SLC8A1: variants seen among roughly 807,000 people sequenced by gnomAD.
SLC8A1 encodes the protein sodium/calcium exchanger 1.
Under a neutral mutation model 68.3 loss-of-function variants are expected in SLC8A1, and 18 were observed. The ratio of observed to expected loss-of-function variants is 0.26; its 90% CI spans 0.18 to 0.39. SLC8A1 has a LOEUF of 0.39. Among genes scored for constraint, SLC8A1 ranks in the 10% least tolerant of loss-of-function variants. The probability of loss-of-function intolerance (pLI) is 1.00; values close to 1 mark genes in which losing one functional copy is unlikely to be tolerated. For missense variants in SLC8A1, 985 were observed against 1,156.7 expected (o/e 0.85, Z 2.15); for synonymous variants, 475 against 415.5 (o/e 1.14, Z -1.74).
At chr2:40,211,969 T>C (rs1374121964) in intron 2 of SLC8A1, among the ~76,000 whole-genome samples, 1 of 152,246 alleles carries the variant, frequency 6.6e-6, no homozygotes, top group Non-Finnish European at 1.5e-5. Flanking sequence ...AATATCATAA[T>C]TCTATACCTA....
At chr2:40,285,916 T>C (rs994561514) in intron 2 of SLC8A1, among the ~76,000 whole-genome samples, 1 of 152,182 alleles carries the variant, frequency 6.6e-6, no homozygotes, top group African/African-American at 2.4e-5. Context: ...AAGTTCCTTA[T>C]ATGATCTTCT....
At chr2:40,155,067 CT>C (rs2044215148) in intron 6 of SLC8A1, among the ~76,000 whole-genome samples, 2 of 152,038 alleles carry the variant, frequency 1.3e-5, no homozygotes, top group Non-Finnish European at 2.9e-5. Context: ...CACCCTCCTC[CT>C]TTTTTTGGTT....
At chr2:40,417,200 T>C (rs1481763468) in intron 2 of SLC8A1, among the ~76,000 whole-genome samples, 2 of 152,154 alleles carry the variant, frequency 1.3e-5, no homozygotes, top group Non-Finnish European at 2.9e-5. Flanking sequence ...GGGGTACATA[T>C]GCAGGTTTGT....
chr2:40,226,137 C>T (rs2058947108), intron 2 of SLC8A1, among the ~76,000 whole-genome samples: 1 of 152,086 alleles, frequency 6.6e-6, no homozygotes, highest in African/African-American at 2.4e-5. Flanking sequence ...AAAAGTCGGG[C>T]CTTGCTGTGA....
At chr2:40,234,811 G>T (rs1029330086) in intron 2 of SLC8A1, among the ~76,000 whole-genome samples, 1 of 152,068 alleles carries the variant, frequency 6.6e-6, no homozygotes, top group African/African-American at 2.4e-5. Flanking sequence ...TAGCATGAAG[G>T]GTTGTTGAAT....
At chr2:40,314,741 G>C (rs976949507) in intron 2 of SLC8A1, among the ~76,000 whole-genome samples, 5 of 151,946 alleles carry the variant, frequency 3.3e-5, no homozygotes, top group African/African-American at 1.2e-4. Flanking sequence ...TTATCCCCAA[G>C]TATTTTATAT....
intron 2 of SLC8A1, among the ~76,000 whole-genome samples, chr2:40,391,555 T>G (rs917070320): frequency 3.9e-5 from 6 of 152,040 alleles, no homozygotes; most frequent in Non-Finnish European, 7.4e-5. Flanking sequence ...ATACTTCTCC[T>G]GTAAATCCCT....
At chr2:40,511,125 A>G (rs118079501) in intron 1 of SLC8A1, among the ~76,000 whole-genome samples, 1 of 152,190 alleles carries the variant, frequency 6.6e-6, no homozygotes, top group Non-Finnish European at 1.5e-5. Flanking sequence ...AAGGAAGGTC[A>G]CATTCAATAT....
chr2:40,192,392 C>T (rs911963268), intron 2 of SLC8A1, among the ~76,000 whole-genome samples: 1 of 151,890 alleles, frequency 6.6e-6, no homozygotes, highest in Non-Finnish European at 1.5e-5. Flanking sequence ...ATAACTAAAG[C>T]CTTTCAAAAT....
chr2:40,139,394 T>A lies in SLC8A1; in HGVS notation c.2437+7A>T. ...CTGGGGGAATTATACATGAATGTAA[T>A]TTGTACCTGGCACTGATGTTCCAAG... On this transcript the variant is annotated splice_region_variant and intron_variant, in intron 7 of 7. Transcript: ENST00000406785. The A allele has an allele frequency of 1.2e-6, 2 of 1,613,904 alleles. No individual in the cohort carries two copies. Among genetic ancestry groups the A allele is most frequent in the Non-Finnish European group, 1.7e-6 (2 of 1,179,856 alleles).
intron 2 of SLC8A1, among the ~76,000 whole-genome samples, chr2:40,336,780 A>G (rs925630647): frequency 6.6e-6 from 1 of 152,144 alleles, no homozygotes; most frequent in African/African-American, 2.4e-5. Context: ...TGAAAAAAAT[A>G]ATAAAGTCCA....
intron 2 of SLC8A1, among the ~76,000 whole-genome samples, chr2:40,398,359 C>A (rs73928980): frequency 0.015 from 2,235 of 152,246 alleles, 45 homozygotes; most frequent in African/African-American, 0.044. Flanking sequence ...CCACTCCTCA[C>A]CATATGTCAT....
chr2:40,382,413 C>T (rs766778308), intron 2 of SLC8A1, among the ~76,000 whole-genome samples: 1 of 152,036 alleles, frequency 6.6e-6, no homozygotes, highest in Non-Finnish European at 1.5e-5. Context: ...ATTCCGTAAC[C>T]TGTTTACATC....
intron 6 of SLC8A1, among the ~76,000 whole-genome samples, chr2:40,143,715 A>T (rs569745508): frequency 6.6e-6 from 1 of 152,316 alleles, no homozygotes; most frequent in South Asian, 2.1e-4. Context: ...CATGAGAGCA[A>T]GAGCATCATC....
chr2:40,468,427 T>A (rs937326572), intron 1 of SLC8A1, among the ~76,000 whole-genome samples: 5 of 152,200 alleles, frequency 3.3e-5, no homozygotes, highest in African/African-American at 4.8e-5. Flanking sequence ...AGACTTTTTA[T>A]GTCTTTCTAC....
At chr2:40,144,452 C>T (rs1462355692) in intron 6 of SLC8A1, among the ~76,000 whole-genome samples, 1 of 152,088 alleles carries the variant, frequency 6.6e-6, no homozygotes, top group Non-Finnish European at 1.5e-5. Flanking sequence ...GTCCAGGGAA[C>T]ATTTTACTAT....
intron 2 of SLC8A1, among the ~76,000 whole-genome samples, chr2:40,287,326 T>C (rs891839458): frequency 6.6e-6 from 1 of 152,138 alleles, no homozygotes; most frequent in Non-Finnish European, 1.5e-5. Flanking sequence ...AATCAACAGC[T>C]TAGAAAACAG....
At chr2:40,375,701 T>A (rs993399289) in intron 2 of SLC8A1, among the ~76,000 whole-genome samples, 7 of 152,086 alleles carry the variant, frequency 4.6e-5, no homozygotes, top group Admixed American at 3.9e-4. Flanking sequence ...ACTTGACAAC[T>A]ATATCAAGTT....
intron 1 of SLC8A1, among the ~76,000 whole-genome samples, chr2:40,443,440 T>G (rs552312523): frequency 6.6e-6 from 1 of 152,140 alleles, no homozygotes; most frequent in African/African-American, 2.4e-5. Context: ...AGCCAAAAGG[T>G]TGTTGAATTG....
Sources: gnomAD v4.1 joint callset for allele counts (sites outside exome capture counted in the v4.1 genomes callset) on GRCh38, gnomAD v4.1.1 for gene constraint, MANE v1.5 for transcripts, NCBI Gene and HGNC (gene_info 2026-07-23, HGNC 2026-07-21) for gene names.